SLC39A11: variants seen among roughly 807,000 people sequenced by gnomAD.
SLC39A11 encodes zinc transporter ZIP11.
A neutral mutation model predicts 36.1 loss-of-function variants in SLC39A11; 33 were observed. That is an observed-to-expected ratio of 0.91 (90% CI 0.69 to 1.22). The LOEUF (loss-of-function observed/expected upper bound fraction) is 1.22. Among genes scored for constraint, SLC39A11 ranks in the 50% most tolerant of loss-of-function variants. The pLI, the probability that SLC39A11 is intolerant of heterozygous loss-of-function variation, is 0.00. For missense variants in SLC39A11, 432 were observed against 430.3 expected (o/e 1.00, Z -0.03); for synonymous variants, 166 against 170.3 (o/e 0.97, Z 0.20).
intron 5 of SLC39A11, among the ~76,000 whole-genome samples, chr17:72,908,697 GC>G (rs927258574): frequency 2.0e-4 from 30 of 152,316 alleles, no homozygotes; most frequent in African/African-American, 7.2e-4. Context: ...CTAGGTGCAT[GC>G]CAAATACCAG....
intron 5 of SLC39A11, among the ~76,000 whole-genome samples, chr17:72,904,238 C>T (rs1029350177): frequency 1.3e-5 from 2 of 151,968 alleles, no homozygotes; most frequent in Non-Finnish European, 1.5e-5. Context: ...CCCAGGAGTT[C>T]GAGAGCAGCC....
At chr17:72,655,632 C>T (rs1283416243) in intron 7 of SLC39A11, among the ~76,000 whole-genome samples, 4 of 152,216 alleles carry the variant, frequency 2.6e-5, no homozygotes, top group African/African-American at 9.7e-5. Context: ...ATTCCCAACA[C>T]AGTCTGGGAG....
At chr17:72,998,313 C>T (rs1053709101) in intron 4 of SLC39A11, among the ~76,000 whole-genome samples, 1 of 152,112 alleles carries the variant, frequency 6.6e-6, no homozygotes, top group Non-Finnish European at 1.5e-5. Context: ...AATGCATGCC[C>T]CACCATCTCC....
At chr17:72,782,204 G>T (rs895328540) in intron 6 of SLC39A11, among the ~76,000 whole-genome samples, 1 of 152,148 alleles carries the variant, frequency 6.6e-6, no homozygotes, top group African/African-American at 2.4e-5. Context: ...CAGAGGCAGA[G>T]ACTGGAGTGA....
intron 4 of SLC39A11, among the ~76,000 whole-genome samples, chr17:72,953,411 G>C (rs376599986): frequency 6.6e-6 from 1 of 152,166 alleles, no homozygotes; most frequent in East Asian, 1.9e-4. Flanking sequence ...TAGGAAAGCA[G>C]CTCTGCAACT....
At chr17:72,699,438 C>T (rs1226136248) in intron 7 of SLC39A11, among the ~76,000 whole-genome samples, 1 of 152,166 alleles carries the variant, frequency 6.6e-6, no homozygotes, top group Non-Finnish European at 1.5e-5. Context: ...AGGAGCGGCC[C>T]TGGCTTGGCC....
At chr17:72,797,040 G>A (rs1380283565) in intron 6 of SLC39A11, among the ~76,000 whole-genome samples, 1 of 152,136 alleles carries the variant, frequency 6.6e-6, no homozygotes, top group Non-Finnish European at 1.5e-5. Flanking sequence ...CTTGAACTTC[G>A]TGATTCCTGC....
intron 5 of SLC39A11, among the ~76,000 whole-genome samples, chr17:72,888,125 C>A (rs1488536829): frequency 6.6e-6 from 1 of 152,206 alleles, no homozygotes; most frequent in Non-Finnish European, 1.5e-5. Context: ...TGAGTCAGTA[C>A]TGAATAACTA....
rs557936669 is a variant in SLC39A11 at position 73,053,209 on chromosome 17, C to T, written c.148-21495G>A. ...TCAAACAAAACAACAACAGAAACAA[C>T]CATTATGTATGGTATGAGCCCATTT... is the stretch of plus-strand genomic sequence containing the variant. On this transcript the variant is annotated intron_variant, in intron 3 of 9. Coordinates refer to ENST00000255559, the MANE Select transcript of SLC39A11 (RefSeq NM_139177.4). 1.5e-3 allele frequency among the ~76,000 whole-genome samples: 229 copies of T among 151,418 alleles called. 1 individual carries two copies. The highest frequency in any genetic ancestry group is 5.4e-3 in the African/African-American group (222 of 41,272).
chr17:73,084,371 G>T (rs910416168), intron 3 of SLC39A11, among the ~76,000 whole-genome samples: 2 of 127,826 alleles, frequency 1.6e-5, no homozygotes, highest in Non-Finnish European at 3.1e-5. Context: ...CAGAGAAGTT[G>T]AAGCTGCAGT....
chr17:72,930,918 G>A (rs2084353931), intron 5 of SLC39A11, among the ~76,000 whole-genome samples: 1 of 152,156 alleles, frequency 6.6e-6, no homozygotes, highest in Non-Finnish European at 1.5e-5. Flanking sequence ...ACCCACATGG[G>A]TCTCCATACA....
At chr17:72,862,962 G>A (rs919859144) in intron 5 of SLC39A11, among the ~76,000 whole-genome samples, 3 of 152,102 alleles carry the variant, frequency 2.0e-5, no homozygotes, top group African/African-American at 4.8e-5. Context: ...CAAAACAAAC[G>A]ACAAGAAAAC....
intron 7 of SLC39A11, among the ~76,000 whole-genome samples, chr17:72,677,853 A>C (rs142542289): frequency 2.0e-5 from 3 of 152,202 alleles, no homozygotes; most frequent in Admixed American, 2.0e-4. Context: ...CATTTACACA[A>C]TGCGGGAGGG....
At chr17:72,786,776 G>A (rs1365966507) in intron 6 of SLC39A11, among the ~76,000 whole-genome samples, 2 of 152,084 alleles carry the variant, frequency 1.3e-5, no homozygotes, top group African/African-American at 4.8e-5. Flanking sequence ...CTGAGGACTG[G>A]GGTCCTAGAG....
chr17:72,765,612 T>A (rs2075732338), intron 6 of SLC39A11, among the ~76,000 whole-genome samples: 1 of 152,164 alleles, frequency 6.6e-6, no homozygotes, highest in African/African-American at 2.4e-5. Flanking sequence ...AGAGAACTGG[T>A]CCAGGAAGGT....
At chr17:73,055,311 A>G (rs1336026632) in intron 3 of SLC39A11, among the ~76,000 whole-genome samples, 1 of 152,204 alleles carries the variant, frequency 6.6e-6, no homozygotes, top group Non-Finnish European at 1.5e-5. Context: ...AAGGAAGCAG[A>G]GGTCCACAGG....
At chr17:72,923,621 A>G (rs1409241225) in intron 5 of SLC39A11, among the ~76,000 whole-genome samples, 1 of 152,190 alleles carries the variant, frequency 6.6e-6, no homozygotes, top group Non-Finnish European at 1.5e-5. Context: ...CGAAGGCAGG[A>G]GTTGCAATGA....
chr17:72,869,317 C>T lies in SLC39A11; in HGVS notation c.431-19513G>A, dbSNP rs369944467. Reference sequence around the variant, plus strand: ...TCTCAAACCTTGTGCATGTTAAATACGGAAGCATGGTCTCCTTCCCCAGAG... The same window carrying T: ...TCTCAAACCTTGTGCATGTTAAATATGGAAGCATGGTCTCCTTCCCCAGAG... On this transcript the variant is annotated intron_variant, in intron 5 of 9. Coordinates refer to ENST00000255559, the MANE Select transcript of SLC39A11 (RefSeq NM_139177.4). Among the ~76,000 whole-genome samples, 39 of 152,328 alleles carry T rather than the reference C, an allele frequency of 2.6e-4. 1 individual carries two copies. The highest frequency in any genetic ancestry group is 4.7e-4 in the Non-Finnish European group (32 of 68,020).
At chr17:72,677,000 C>T (rs762457369) in intron 7 of SLC39A11, among the ~76,000 whole-genome samples, 5 of 152,156 alleles carry the variant, frequency 3.3e-5, no homozygotes, top group Non-Finnish European at 5.9e-5. Context: ...GCTGCTTTTG[C>T]TTTGTAGCTT....
Sources: gnomAD v4.1 joint callset for allele counts (sites outside exome capture counted in the v4.1 genomes callset) on GRCh38, gnomAD v4.1.1 for gene constraint, MANE v1.5 for transcripts, NCBI Gene and HGNC (gene_info 2026-07-23, HGNC 2026-07-21) for gene names.